The following CATSPERB variants were observed in gnomAD, a reference collection of about 807,000 sequenced individuals.
CATSPERB encodes cation channel sperm-associated auxiliary subunit beta.
Under a neutral mutation model 128.3 loss-of-function variants are expected in CATSPERB, and 93 were observed. That is an observed-to-expected ratio of 0.72 (90% CI 0.61 to 0.86). The LOEUF is 0.86. Among genes scored for constraint, CATSPERB ranks in the 40% least tolerant of loss-of-function variants. CATSPERB has a pLI of 0.00. For synonymous variants in CATSPERB, 381 were observed against 448.8 expected (o/e 0.85, Z 1.91); for missense variants, 1,153 against 1,329.5 (o/e 0.87, Z 2.06).
At chr14:91,677,239 A>C (rs1895206292) in intron 11 of CATSPERB, among the ~76,000 whole-genome samples, 1 of 152,204 alleles carries the variant, frequency 6.6e-6, no homozygotes, top group African/African-American at 2.4e-5. Context: ...TAATTAAACT[A>C]AAGAGCTTCT....
At chr14:91,599,279 G>C (rs1268920183) in intron 22 of CATSPERB, among the ~76,000 whole-genome samples, 1 of 152,102 alleles carries the variant, frequency 6.6e-6, no homozygotes, top group African/African-American at 2.4e-5. Context: ...TTACTTTGCC[G>C]GCCGGGCACG....
At chr14:91,585,344 T>C (rs931467950) in intron 26 of CATSPERB, among the ~76,000 whole-genome samples, 1 of 152,184 alleles carries the variant, frequency 6.6e-6, no homozygotes, top group Admixed American at 6.5e-5. Flanking sequence ...ATAACATAAA[T>C]GTTAGACCTT....
chr14:91,611,277 T>C (rs188971586), intron 20 of CATSPERB, among the ~76,000 whole-genome samples: 47 of 152,314 alleles, frequency 3.1e-4, no homozygotes, highest in African/African-American at 1.0e-3. Context: ...TCCAATCTAA[T>C]TGGTTCGGGG....
rs532377059 is a variant in CATSPERB, at chr14:91,616,932, C to T, written c.2400+665G>A. Among the ~76,000 whole-genome samples, 36 of 151,766 alleles carry T rather than the reference C, an allele frequency of 2.4e-4. No individual in the cohort carries two copies. In the South Asian group the frequency reaches 2.5e-3, roughly 11 times the overall value. ...AATATTTTTGTATTTTTAGTAGAGA[C>T]GGGGTTTCTCCATGTTTGTCAGGCT... On this transcript the variant is annotated intron_variant, in intron 20 of 26. Transcript: ENST00000256343.
intron 7 of CATSPERB, among the ~76,000 whole-genome samples, chr14:91,696,090 A>G (rs1895557217): frequency 6.6e-6 from 1 of 152,202 alleles, no homozygotes; most frequent in East Asian, 1.9e-4. Flanking sequence ...AGACAACTGA[A>G]GAGAGGAGTA....
chr14:91,635,104 A>G (rs980124221), intron 17 of CATSPERB, among the ~76,000 whole-genome samples: 1 of 151,874 alleles, frequency 6.6e-6, no homozygotes, highest in African/African-American at 2.4e-5. Context: ...TTCGTGGTGG[A>G]AGGGCCTAGC....
At chr14:91,613,073 TAAA>T (rs1047049680) in intron 20 of CATSPERB, among the ~76,000 whole-genome samples, 21 of 152,288 alleles carry the variant, frequency 1.4e-4, no homozygotes, top group African/African-American at 4.6e-4. Flanking sequence ...TATACAATAT[TAAA>T]AAGTATTTTA....
chr14:91,693,301 T>A, intron 8 of CATSPERB, 57 bp from the exon 9 acceptor site: 1 of 1,551,972 alleles, frequency 6.4e-7, no homozygotes, highest in Non-Finnish European at 8.9e-7. Flanking sequence ...AGTTCCTTAC[T>A]GAAGCAAAGA....
chr14:91,694,798 G>T (rs1796861479), intron 7 of CATSPERB, among the ~76,000 whole-genome samples: 1 of 152,106 alleles, frequency 6.6e-6, no homozygotes, highest in African/African-American at 2.4e-5. Flanking sequence ...ACCTTTTCTT[G>T]GTCATAGGTA....
chr14:91,633,846 A>G (rs1159436828), intron 17 of CATSPERB, among the ~76,000 whole-genome samples: 1 of 151,982 alleles, frequency 6.6e-6, no homozygotes, highest in Non-Finnish European at 1.5e-5. Flanking sequence ...AGAGAGAGAG[A>G]AAAAGAAAAA....
intron 10 of CATSPERB, among the ~76,000 whole-genome samples, chr14:91,687,645 G>T (rs1895397788): frequency 6.6e-6 from 1 of 152,132 alleles, no homozygotes; most frequent in African/African-American, 2.4e-5. Flanking sequence ...CATTGGCTAA[G>T]ATGTCTCTGT....
Position 91,583,570 on chromosome 14 carries a change from C to T in CATSPERB, c.3133-2463G>A, listed in dbSNP as rs183799780. Among the ~76,000 whole-genome samples, 619 of 152,314 alleles carry T rather than the reference C, an allele frequency of 4.1e-3. 4 individuals carry two copies. The highest frequency in any genetic ancestry group is 0.014 in the African/African-American group (577 of 41,574). The stretch of plus-strand genomic sequence containing the variant: ...TTTCTTCAAATGTTTCCCTTCTAAT[C>T]TTCTTCAACCATCCAAATATTCCAC... On this transcript the variant is annotated intron_variant, in intron 26 of 26. Coordinates refer to ENST00000256343, the MANE Select transcript of CATSPERB (RefSeq NM_024764.4).
In CATSPERB at chr14:91,610,578, A is replaced by T. The variant is rs781118080; in HGVS notation, c.2500T>A (p.Ser834Thr). The T allele has an allele frequency of 6.2e-7, 1 of 1,614,008 alleles. No homozygotes were observed. The highest frequency in any genetic ancestry group is 1.7e-5 in the Admixed American group (1 of 60,008). The stretch of plus-strand genomic sequence containing the variant: ...AATTTGCTAGGAATGTGATGCATAG[A>T]TCTGAGATAACTACAGCTGCTTTTC... Reference protein sequence around the residue: ...TLKSSCSYLRSMHHIPSKFIP... With the variant: ...TLKSSCSYLRTMHHIPSKFIP... Residue 834 changes from serine to threonine, a missense_variant, in exon 21 of 27, where the codon TCT (serine) becomes ACT (threonine). Coordinates refer to ENST00000256343, the MANE Select transcript of CATSPERB (RefSeq NM_024764.4).
chr14:91,602,065 T>C (rs954942880), intron 22 of CATSPERB, among the ~76,000 whole-genome samples: 1 of 152,162 alleles, frequency 6.6e-6, no homozygotes, highest in Non-Finnish European at 1.5e-5. Context: ...GTTATTACAG[T>C]GGGATGATTA....
In CATSPERB at chr14:91,621,684, T is replaced by C. The variant is rs1894045147; in HGVS notation, c.2184A>G (p.Pro728=). The part of the protein sequence containing the change: ...CNYWFQHDDS[P]SLNIVKYIDL... ...CAATGTATTTCACGATGTTGAGGGATGGTGAATCATCATGTTGAAACCAAT... is the reference window on the plus strand; with the variant it reads ...CAATGTATTTCACGATGTTGAGGGACGGTGAATCATCATGTTGAAACCAAT... The change falls in exon 19 of 27, where the codon CCA becomes CCG. Residue 728 remains proline (P), a synonymous_variant. Coordinates refer to ENST00000256343, the MANE Select transcript of CATSPERB (RefSeq NM_024764.4). The C allele has an allele frequency of 1.2e-6, 2 of 1,613,680 alleles. No individual in the cohort carries two copies. The highest frequency in any genetic ancestry group is 2.7e-5 in the African/African-American group (2 of 75,060).
intron 20 of CATSPERB, among the ~76,000 whole-genome samples, chr14:91,612,837 G>A (rs1036367757): frequency 6.6e-6 from 1 of 152,104 alleles, no homozygotes; most frequent in Non-Finnish European, 1.5e-5. Context: ...TAAGATACAA[G>A]GAAGCAAACA....
chr14:91,695,228 C>T (rs573916183), intron 7 of CATSPERB, among the ~76,000 whole-genome samples: 120 of 151,072 alleles, frequency 7.9e-4, no homozygotes, highest in Non-Finnish European at 1.4e-3. Context: ...CTCCCAGGTT[C>T]GAGCAATTCT....
At chr14:91,703,440 T>C (rs1895684071) in intron 7 of CATSPERB, among the ~76,000 whole-genome samples, 1 of 152,126 alleles carries the variant, frequency 6.6e-6, no homozygotes, top group Non-Finnish European at 1.5e-5. Context: ...TCCTGGGTGA[T>C]GGGATTGTCT....
intron 13 of CATSPERB, among the ~76,000 whole-genome samples, chr14:91,670,901 G>C (rs1221393836): frequency 8.6e-5 from 13 of 151,770 alleles, no homozygotes; most frequent in Admixed American, 8.5e-4. Flanking sequence ...TACTTGGGAG[G>C]CTGAGGTGGG....
Sources: allele counts gnomAD v4.1 joint callset (sites outside exome capture counted in the v4.1 genomes callset), GRCh38; gene constraint gnomAD v4.1.1; transcripts MANE v1.5; gene names NCBI Gene and HGNC (gene_info 2026-07-23, HGNC 2026-07-21).